SLC16A10: variants seen among roughly 807,000 people sequenced by gnomAD.
SLC16A10 encodes monocarboxylate transporter 10.
Under a neutral mutation model 40.0 loss-of-function variants are expected in SLC16A10, and 27 were observed. The ratio of observed to expected loss-of-function variants is 0.67; its 90% CI spans 0.50 to 0.93. The LOEUF (loss-of-function observed/expected upper bound fraction) is 0.93. Among genes scored for constraint, SLC16A10 ranks in the 40% least tolerant of loss-of-function variants. The pLI, the probability that SLC16A10 is intolerant of heterozygous loss-of-function variation, is 0.00. For synonymous variants in SLC16A10, 213 were observed against 249.8 expected, an observed-to-expected ratio of 0.85 and a Z score of 1.39; for missense variants, 529 against 658.2, an observed-to-expected ratio of 0.80 and a Z score of 2.15.
At chr6:111,125,216 A>G (rs1190246797) in intron 1 of SLC16A10, among the ~76,000 whole-genome samples, 1 of 152,204 alleles carries the variant, frequency 6.6e-6, no homozygotes, top group Non-Finnish European at 1.5e-5. Flanking sequence ...TGCATCTATA[A>G]TTTACCACAC....
chr6:111,189,985 A>G (rs1460977105), intron 3 of SLC16A10, among the ~76,000 whole-genome samples: 6 of 152,226 alleles, frequency 3.9e-5, no homozygotes, highest in Non-Finnish European at 7.3e-5. Context: ...TCATTTCAGC[A>G]TTAACTCAAA....
At position 111,222,657 on chromosome 6, in the gene SLC16A10, C is replaced by G. The variant is rs73532731; in HGVS notation, c.*422C>G. On this transcript the variant is annotated 3_prime_UTR_variant, in exon 6 of 6. Transcript: ENST00000368851. ...GGTACCTCTGTTTTACTTTCTTATGCTCTTTGGAAACTTTTTGCAAAATTT... is the reference window on the plus strand; with the variant it reads ...GGTACCTCTGTTTTACTTTCTTATGGTCTTTGGAAACTTTTTGCAAAATTT... The G allele has an allele frequency of 6.1e-6, 1 of 163,882 alleles. No individual in the cohort carries two copies. Among genetic ancestry groups the G allele is most frequent in the Non-Finnish European group, 1.3e-5 (1 of 76,944 alleles). 10.2% of individuals were successfully genotyped at this position (163,882 alleles called of 1,614,324 possible). A position where few individuals can be genotyped will look rare whatever the true frequency, so the allele number is the denominator to read the frequency against.
chr6:111,190,206 A>T (rs1183573769), intron 3 of SLC16A10, among the ~76,000 whole-genome samples: 1 of 152,238 alleles, frequency 6.6e-6, no homozygotes, highest in Non-Finnish European at 1.5e-5. Context: ...ATTAAACCTT[A>T]AAGTTCCAAA....
intron 1 of SLC16A10, among the ~76,000 whole-genome samples, chr6:111,138,181 G>C (rs1032857754): frequency 3.3e-5 from 5 of 152,068 alleles, no homozygotes; most frequent in Non-Finnish European, 1.5e-5. Context: ...AATTATAAAA[G>C]TCCTACACTA....
At chr6:111,210,896 G>A (rs1295896681) in intron 4 of SLC16A10, among the ~76,000 whole-genome samples, 8 of 152,102 alleles carry the variant, frequency 5.3e-5, no homozygotes, top group South Asian at 2.1e-4. Context: ...GGTGGCACGC[G>A]TCTGTAGTCC....
At chr6:111,167,454 A>G (rs570039084) in intron 1 of SLC16A10, among the ~76,000 whole-genome samples, 195 of 152,176 alleles carry the variant, frequency 1.3e-3, no homozygotes, top group African/African-American at 4.5e-3. Flanking sequence ...ATGCCCTCCT[A>G]GTGGGCATGA....
At position 111,227,542 on chromosome 6, in the gene SLC16A10, A is replaced by G. The variant is rs1293277044; in HGVS notation, c.*5307A>G. 1 of 152,204 alleles carries G rather than the reference A, an allele frequency of 6.6e-6. No individual in the cohort carries two copies. Among genetic ancestry groups the G allele is most frequent in the Admixed American group, 6.5e-5 (1 of 15,288 alleles). 9.4% of individuals were successfully genotyped at this position (152,204 alleles called of 1,614,324 possible). A position where few individuals can be genotyped will look rare whatever the true frequency, so the allele number is the denominator to read the frequency against. On this transcript the variant is annotated 3_prime_UTR_variant, in exon 6 of 6. Coordinates refer to ENST00000368851, the MANE Select transcript of SLC16A10 (RefSeq NM_018593.5). ...AGAAAAATCTTGAAACTCAGGACGTAGTTTACTTAGCTTGCCTTTTTTAAA... is the reference window on the plus strand; with the variant it reads ...AGAAAAATCTTGAAACTCAGGACGTGGTTTACTTAGCTTGCCTTTTTTAAA...
At chr6:111,147,032 TTG>T (rs1434006109) in intron 1 of SLC16A10, among the ~76,000 whole-genome samples, 9 of 152,198 alleles carry the variant, frequency 5.9e-5, no homozygotes, top group African/African-American at 2.2e-4. Flanking sequence ...AGATTAGTAG[TTG>T]CCAAGGGCTG....
intron 1 of SLC16A10, among the ~76,000 whole-genome samples, chr6:111,155,269 A>G (rs1772248193): frequency 6.7e-6 from 1 of 149,340 alleles, no homozygotes; most frequent in African/African-American, 2.5e-5. Context: ...TGGCATGATC[A>G]TGGCTCACTG....
chr6:111,153,954 G>C (rs950411079), intron 1 of SLC16A10, among the ~76,000 whole-genome samples: 28 of 152,276 alleles, frequency 1.8e-4, no homozygotes, highest in African/African-American at 6.7e-4. Context: ...TCACTACTGG[G>C]GGAAAAGAGG....
In SLC16A10 at chr6:111,223,994, C is replaced by G. The variant is rs946369701; in HGVS notation, c.*1759C>G. On this transcript the variant is annotated 3_prime_UTR_variant, in exon 6 of 6. Transcript: ENST00000368851. ...GTGGCTCATGCCTGTAATCCTAGCA[C>G]TTTGGTAGTCCAAGGCAGGGGGATC... The G allele has an allele frequency of 6.6e-6, 1 of 152,200 alleles. No homozygotes were observed. Among genetic ancestry groups the G allele is most frequent in the African/African-American group, 2.4e-5 (1 of 41,428 alleles). 9.4% of individuals were successfully genotyped at this position (152,200 alleles called of 1,614,324 possible). A position where few individuals can be genotyped will look rare whatever the true frequency, so the allele number is the denominator to read the frequency against.
intron 1 of SLC16A10, 69 bp downstream of exon 1, chr6:111,088,164 T>C: frequency 6.7e-7 from 1 of 1,491,840 alleles, no homozygotes; most frequent in Non-Finnish European, 9.2e-7. Flanking sequence ...ATCCCGCGTG[T>C]GGGCTGTGTC....
rs1056074037 is a variant in SLC16A10, at chr6:111,109,391, G to C, written c.343+21296G>C. ...GCTTTTGAGATTTCTCCTTGTTGTG[G>C]TATGTATTAGTAGTTCTTTCTTTTT... On this transcript the variant is annotated intron_variant, in intron 1 of 5. Coordinates refer to ENST00000368851, the MANE Select transcript of SLC16A10 (RefSeq NM_018593.5). Among the ~76,000 whole-genome samples the C allele has an allele frequency of 2.0e-5, 3 of 150,870 alleles. No homozygotes were observed. The East Asian group carries it at 5.8e-4, about 29-fold the overall frequency.
At chr6:111,091,814 G>A (rs1770980111) in intron 1 of SLC16A10, among the ~76,000 whole-genome samples, 1 of 152,194 alleles carries the variant, frequency 6.6e-6, no homozygotes, top group Admixed American at 6.5e-5. Context: ...ACATCTTACT[G>A]TTAATTCTCT....
intron 3 of SLC16A10, among the ~76,000 whole-genome samples, chr6:111,182,155 C>T (rs1433787608): frequency 6.6e-6 from 1 of 151,830 alleles, no homozygotes; most frequent in Non-Finnish European, 1.5e-5. Flanking sequence ...CCTGCCACCA[C>T]ACCTGACTTA....
At chr6:111,216,473 G>A (rs1269231232) in intron 4 of SLC16A10, among the ~76,000 whole-genome samples, 1 of 151,594 alleles carries the variant, frequency 6.6e-6, no homozygotes, top group Admixed American at 6.6e-5. Context: ...GGGCGATCTC[G>A]GCTCACTGCA....
chr6:111,095,495 G>T (rs1364156932), intron 1 of SLC16A10, among the ~76,000 whole-genome samples: 1 of 152,182 alleles, frequency 6.6e-6, no homozygotes, highest in African/African-American at 2.4e-5. Context: ...TTCTAATAAA[G>T]CATTCCGTGA....
intron 1 of SLC16A10, among the ~76,000 whole-genome samples, chr6:111,109,044 G>A (rs887354707): frequency 5.3e-5 from 8 of 152,122 alleles, no homozygotes; most frequent in African/African-American, 1.9e-4. Context: ...TTAATTAAAT[G>A]TAATTAATTT....
intron 1 of SLC16A10, among the ~76,000 whole-genome samples, chr6:111,149,138 C>A (rs1772128740): frequency 6.6e-6 from 1 of 152,126 alleles, no homozygotes; most frequent in South Asian, 2.1e-4. Flanking sequence ...AGCATTCTGG[C>A]AAGTTAGTAA....
Sources: gnomAD v4.1 joint callset for allele counts (sites outside exome capture counted in the v4.1 genomes callset) on GRCh38, gnomAD v4.1.1 for gene constraint, MANE v1.5 for transcripts, NCBI Gene and HGNC (gene_info 2026-07-23, HGNC 2026-07-21) for gene names.